The following CTNNA3 variants were observed in gnomAD, a reference collection of about 807,000 sequenced individuals.
The protein encoded by CTNNA3 is catenin alpha 3.
Under a neutral mutation model 95.7 loss-of-function variants are expected in CTNNA3, and 76 were observed. The observed-to-expected ratio is 0.79, with a 90% CI of 0.66 to 0.96. The LOEUF (loss-of-function observed/expected upper bound fraction) is 0.96, where lower values mean the gene tolerates loss of function less well. Ranked by LOEUF, CTNNA3 falls within the 40% of genes least tolerant of loss-of-function variation. The pLI is 0.00. For missense variants in CTNNA3, 1,191 were observed against 1,089.8 expected (o/e 1.09, Z -1.31); for synonymous variants, 431 against 374.4 (o/e 1.15, Z -1.74).
At chr10:66,905,298 C>T (rs1359104600) in intron 7 of CTNNA3, among the ~76,000 whole-genome samples, 1 of 152,110 alleles carries the variant, frequency 6.6e-6, no homozygotes, top group Non-Finnish European at 1.5e-5. Flanking sequence ...CATGTTCTCA[C>T]TCATAGGTGG....
At chr10:66,200,426 G>C (rs897908504) in intron 13 of CTNNA3, among the ~76,000 whole-genome samples, 1 of 152,112 alleles carries the variant, frequency 6.6e-6, no homozygotes, top group African/African-American at 2.4e-5. Flanking sequence ...TTACCTGACC[G>C]CCAGTTCTTG....
rs185192055 is a variant in CTNNA3 at position 67,307,582 on chromosome 10, T to C, written c.580-87712A>G. Among the ~76,000 whole-genome samples the C allele has an allele frequency of 7.2e-5, 11 of 152,348 alleles. No individual in the cohort carries two copies. In the East Asian group the frequency reaches 1.5e-3, roughly 21 times the overall value. ...CCCATTCAGTGCTTGTCTAGTCTAA[T>C]TTCATGAAGGAAAACATCATGCTTA... On this transcript the variant is annotated intron_variant, in intron 5 of 17. Coordinates refer to ENST00000433211, the MANE Select transcript of CTNNA3 (RefSeq NM_013266.4).
At chr10:65,984,559 T>C (rs999030094) in intron 16 of CTNNA3, among the ~76,000 whole-genome samples, 1 of 151,292 alleles carries the variant, frequency 6.6e-6, no homozygotes, top group Non-Finnish European at 1.5e-5. Context: ...AGAAGTAAGA[T>C]GATACTTTTG....
intron 13 of CTNNA3, among the ~76,000 whole-genome samples, chr10:66,252,272 G>C (rs2090589528): frequency 6.6e-6 from 1 of 151,966 alleles, no homozygotes; most frequent in Non-Finnish European, 1.5e-5. Flanking sequence ...GCTCCTCTCA[G>C]GAAGAGAACA....
At chr10:66,092,185 A>G (rs999770778) in intron 14 of CTNNA3, among the ~76,000 whole-genome samples, 1 of 151,818 alleles carries the variant, frequency 6.6e-6, no homozygotes, top group African/African-American at 2.4e-5. Flanking sequence ...TACACAATCA[A>G]CAACGTTCAA....
chr10:67,750,907 G>T, intron 1 of CTNNA3: 2 of 1,610,346 alleles, frequency 1.2e-6, no homozygotes, highest in Non-Finnish European at 1.7e-6. Context: ...CACCATTATG[G>T]CCTACAGCCC....
chr10:66,170,258 T>C (rs1206345246), intron 13 of CTNNA3, among the ~76,000 whole-genome samples: 1 of 147,196 alleles, frequency 6.8e-6, no homozygotes, highest in East Asian at 1.9e-4. Context: ...TTTTTTTTTT[T>C]TTTTTTTTAG....
chr10:66,250,733 T>C (rs1461719026), intron 13 of CTNNA3, among the ~76,000 whole-genome samples: 1 of 152,198 alleles, frequency 6.6e-6, no homozygotes, highest in African/African-American at 2.4e-5. Flanking sequence ...ATGCTTCTAT[T>C]GTTTCTTCTC....
At chr10:67,657,184 A>C (rs1840048902) in intron 1 of CTNNA3, among the ~76,000 whole-genome samples, 1 of 152,158 alleles carries the variant, frequency 6.6e-6, no homozygotes, top group Admixed American at 6.5e-5. Flanking sequence ...GAGCAACTGG[A>C]AGGATAGAGT....
chr10:66,834,254 G>A (rs1194867524), intron 7 of CTNNA3, among the ~76,000 whole-genome samples: 1 of 152,146 alleles, frequency 6.6e-6, no homozygotes. Flanking sequence ...TTGAGTGTTG[G>A]CTTTCACAGA....
At chr10:66,731,761 C>T (rs1346145746) in intron 9 of CTNNA3, among the ~76,000 whole-genome samples, 3 of 152,124 alleles carry the variant, frequency 2.0e-5, no homozygotes, top group Non-Finnish European at 4.4e-5. Context: ...GAAAAGTGAA[C>T]ATATTTAACA....
intron 14 of CTNNA3, chr10:66,078,856 T>C (rs1187172434): frequency 6.6e-6 from 1 of 151,902 alleles, no homozygotes; most frequent in Non-Finnish European, 1.5e-5. Context: ...AACAATGCTC[T>C]CTAAAAGTCT....
At chr10:67,555,529 G>A (rs760762063) in intron 3 of CTNNA3, among the ~76,000 whole-genome samples, 1 of 152,142 alleles carries the variant, frequency 6.6e-6, no homozygotes, top group Non-Finnish European at 1.5e-5. Context: ...GTGAATGAGA[G>A]TTCACTCATG....
intron 7 of CTNNA3, among the ~76,000 whole-genome samples, chr10:67,117,983 T>C (rs577888573): frequency 6.6e-6 from 1 of 151,994 alleles, no homozygotes; most frequent in Non-Finnish European, 1.5e-5. Context: ...TTTAACACAT[T>C]ACAGCAAATA....
chr10:66,952,793 T>C (rs1848601406), intron 7 of CTNNA3, among the ~76,000 whole-genome samples: 2 of 151,940 alleles, frequency 1.3e-5, no homozygotes, highest in Admixed American at 1.3e-4. Flanking sequence ...TTGTTAAATA[T>C]TTTGAAAATT....
At chr10:66,855,911 G>A (rs1843667239) in intron 7 of CTNNA3, among the ~76,000 whole-genome samples, 1 of 151,820 alleles carries the variant, frequency 6.6e-6, no homozygotes, top group Non-Finnish European at 1.5e-5. Flanking sequence ...TCAAAGTAGT[G>A]GTCAACCACC....
intron 16 of CTNNA3, among the ~76,000 whole-genome samples, chr10:65,970,988 C>CTT (rs533752420): frequency 4.9e-5 from 7 of 141,462 alleles, no homozygotes; most frequent in South Asian, 2.2e-4. Context: ...TTAAACCTCT[C>CTT]TTTTTTTTTT....
chr10:67,561,879 G>C (rs1338545816), intron 3 of CTNNA3, among the ~76,000 whole-genome samples: 1 of 152,146 alleles, frequency 6.6e-6, no homozygotes, highest in Non-Finnish European at 1.5e-5. Flanking sequence ...AAATAAACTA[G>C]AAAATCTCAA....
At chr10:67,251,931 A>T (rs1005225639) in intron 5 of CTNNA3, among the ~76,000 whole-genome samples, 1 of 151,944 alleles carries the variant, frequency 6.6e-6, no homozygotes, top group Non-Finnish European at 1.5e-5. Flanking sequence ...TCAAGACCTG[A>T]GGAGGTGGTG....
Sources: allele counts gnomAD v4.1 joint callset (sites outside exome capture counted in the v4.1 genomes callset), GRCh38; gene constraint gnomAD v4.1.1; transcripts MANE v1.5; gene names NCBI Gene and HGNC (gene_info 2026-07-23, HGNC 2026-07-21).